Variants in SLC30A9 observed in about 807,000 individuals in gnomAD.
The protein encoded by SLC30A9 is proton-coupled zinc antiporter SLC30A9, mitochondrial.
A neutral mutation model predicts 87.5 loss-of-function variants in SLC30A9; 58 were observed. The ratio of observed to expected loss-of-function variants is 0.66; its 90% CI spans 0.54 to 0.82. SLC30A9 has a LOEUF of 0.82. Among genes scored for constraint, SLC30A9 ranks in the 40% least tolerant of loss-of-function variants. The probability of loss-of-function intolerance (pLI) is 0.00; values close to 1 mark genes in which losing one functional copy is unlikely to be tolerated. For missense variants in SLC30A9, 557 were observed against 679.1 expected (o/e 0.82, Z 2.00); for synonymous variants, 234 against 233.0 (o/e 1.00, Z -0.04).
At chr4:42,082,980 T>A (rs1308050056) in intron 17 of SLC30A9, among the ~76,000 whole-genome samples, 3 of 152,200 alleles carry the variant, frequency 2.0e-5, no homozygotes, top group African/African-American at 7.2e-5. Flanking sequence ...TATCTTGTTA[T>A]TATTTTGAAG....
At chr4:42,000,979 G>T (rs1438456468) in intron 1 of SLC30A9, among the ~76,000 whole-genome samples, 1 of 152,048 alleles carries the variant, frequency 6.6e-6, no homozygotes, top group Non-Finnish European at 1.5e-5. Flanking sequence ...TGGTTTTCTA[G>T]TACTTGGGTA....
At chr4:42,056,819 A>G (rs1717635522) in intron 9 of SLC30A9, among the ~76,000 whole-genome samples, 2 of 152,204 alleles carry the variant, frequency 1.3e-5, no homozygotes, top group Non-Finnish European at 2.9e-5. Context: ...ATGAGGGTAC[A>G]GGCATTGGGT....
chr4:42,063,092 C>T lies in SLC30A9; in HGVS notation c.1003C>T (p.His335Tyr). Residue 335 changes from histidine to tyrosine, a missense_variant, in exon 11 of 18, where the codon CAT (histidine) becomes TAT (tyrosine). By Grantham distance (83) the His-to-Tyr change is moderately conservative. Around this residue, in one of 2 missense-constraint regions of SLC30A9, gnomAD observed 467 missense variants for 529.8 expected, o/e 0.88. Coordinates refer to ENST00000264451, the MANE Select transcript of SLC30A9 (RefSeq NM_006345.4). ...GTACCATGGAGTCATGGGATTGCTT[C>T]ATCCTCAACCAATAGAATCCCTTCT... ...SWYHGVMGLLHPQPIESLLWA... is the reference protein window; with the variant it reads ...SWYHGVMGLLYPQPIESLLWA... The T allele has an allele frequency of 2.5e-6, 4 of 1,613,770 alleles. No homozygotes were observed. Among genetic ancestry groups the T allele is most frequent in the Non-Finnish European group, 3.4e-6 (4 of 1,179,764 alleles).
At chr4:42,059,720 T>C (rs1186185163) in intron 9 of SLC30A9, among the ~76,000 whole-genome samples, 1 of 151,220 alleles carries the variant, frequency 6.6e-6, no homozygotes, top group Non-Finnish European at 1.5e-5. Flanking sequence ...ACTTGCATGT[T>C]CTTTTAAACC....
chr4:42,065,682 G>A lies in SLC30A9; in HGVS notation c.1072+333G>A, dbSNP rs114431956. ...ACAGTAACTGATGTGGCATGAAAGC[G>A]CTTAGCAAGCCCACCATATTTGTGG... On this transcript the variant is annotated intron_variant, in intron 12 of 17. Transcript: ENST00000264451. Among the ~76,000 whole-genome samples, 549 of 152,310 alleles carry A rather than the reference G, an allele frequency of 3.6e-3. 4 individuals are homozygous for A. The highest frequency in any genetic ancestry group is 0.013 in the African/African-American group (523 of 41,570).
intron 2 of SLC30A9, among the ~76,000 whole-genome samples, chr4:42,004,432 C>T (rs562730187): frequency 6.6e-6 from 1 of 152,196 alleles, no homozygotes; most frequent in South Asian, 2.1e-4. Flanking sequence ...TCTGTATTAT[C>T]TCCTTCTGGA....
At chr4:41,998,462 C>CTTTTTT (rs34295020) in intron 1 of SLC30A9, among the ~76,000 whole-genome samples, 172 of 144,764 alleles carry the variant, frequency 1.2e-3, no homozygotes, top group Non-Finnish European at 1.7e-3. Flanking sequence ...TTCAGTAATT[C>CTTTTTT]TTTTTTTTTG....
chr4:42,023,615 A>G (rs1431760795), intron 6 of SLC30A9, among the ~76,000 whole-genome samples: 1 of 152,228 alleles, frequency 6.6e-6, no homozygotes, highest in Non-Finnish European at 1.5e-5. Flanking sequence ...GCTACAGTTT[A>G]TCATTTTTAT....
intron 8 of SLC30A9, among the ~76,000 whole-genome samples, chr4:42,041,991 T>C (rs1025385538): frequency 6.6e-6 from 1 of 152,148 alleles, no homozygotes; most frequent in African/African-American, 2.4e-5. Context: ...AGGGAAGCCA[T>C]GAGGGACTGT....
rs1206437859 is a variant in SLC30A9, at chr4:42,088,048, A to G, written c.*1922A>G. On this transcript the variant is annotated 3_prime_UTR_variant, in exon 18 of 18. Transcript: ENST00000264451. Reference sequence around the variant, plus strand: ...AAAAAAAATTCTGATATTTCTTTTTAAATCTGATTTTGGTTGAGGTCATAC... The same window carrying G: ...AAAAAAAATTCTGATATTTCTTTTTGAATCTGATTTTGGTTGAGGTCATAC... 6.6e-6 allele frequency: 1 copy of G among 151,608 alleles called. No homozygotes were observed. The highest frequency in any genetic ancestry group is 1.5e-5 in the Non-Finnish European group (1 of 67,932). The allele number at this position is 151,608 out of a possible 1,614,324, so 9.4% of individuals were successfully genotyped here. A position where few individuals can be genotyped will look rare whatever the true frequency, so the allele number is the denominator to read the frequency against.
intron 6 of SLC30A9, chr4:42,029,831 A>T (rs1716347628): frequency 5.5e-6 from 4 of 724,276 alleles, no homozygotes; most frequent in Non-Finnish European, 1.0e-5. Context: ...AGTATAACGC[A>T]TCTGTGTTTC....
At chr4:42,038,882 G>C in intron 7 of SLC30A9, 104 bp from the exon 8 acceptor site, 1 of 685,474 alleles carries the variant, frequency 1.5e-6, no homozygotes, top group Non-Finnish European at 2.6e-6. Flanking sequence ...ATCTAATTCA[G>C]AAGTTTTGAT....
intron 13 of SLC30A9, 138 bp downstream of exon 13, chr4:42,066,759 T>C (rs1476772134): frequency 3.5e-6 from 2 of 576,472 alleles, no homozygotes; most frequent in Non-Finnish European, 3.0e-6. Flanking sequence ...TTACATATCC[T>C]TCAGCCCTTA....
intron 2 of SLC30A9, among the ~76,000 whole-genome samples, chr4:42,014,059 T>C (rs897514067): frequency 6.6e-6 from 1 of 152,136 alleles, no homozygotes; most frequent in Non-Finnish European, 1.5e-5. Flanking sequence ...CTGATTAAAA[T>C]GTGGACAAAA....
intron 17 of SLC30A9, among the ~76,000 whole-genome samples, chr4:42,084,427 C>T (rs950134648): frequency 2.6e-5 from 4 of 151,832 alleles, no homozygotes; most frequent in Admixed American, 2.0e-4. Context: ...ATTTGTAATT[C>T]CCCTTAAGTT....
rs73154915 is a variant in SLC30A9, at chr4:42,032,145, G to A, written c.611-3130G>A. 5.1e-3 allele frequency among the ~76,000 whole-genome samples: 773 copies of A among 152,214 alleles called. 9 individuals are homozygous for A. Among genetic ancestry groups the A allele is most frequent in the African/African-American group, 0.017 (709 of 41,516 alleles). ...TCTCATGAGAACGAACTCACCAGTC[G>A]TGAGGACAGTACCAAGAGGGATATT... On this transcript the variant is annotated intron_variant, in intron 6 of 17. Transcript: ENST00000264451.
At chr4:42,049,189 C>T (rs927940445) in intron 8 of SLC30A9, among the ~76,000 whole-genome samples, 188 bp from the exon 9 acceptor site, 3 of 152,154 alleles carry the variant, frequency 2.0e-5, no homozygotes, top group African/African-American at 7.2e-5. Flanking sequence ...TGGTCTTGAA[C>T]TCCTGTCCTC....
intron 6 of SLC30A9, among the ~76,000 whole-genome samples, chr4:42,030,598 T>G (rs77315759): frequency 7.1e-5 from 2 of 28,030 alleles, no homozygotes; most frequent in Non-Finnish European, 2.8e-4. Flanking sequence ...TTTTTTTTTT[T>G]TGGGCTCTTT....
Position 42,067,157 on chromosome 4 carries a change from TAGC to T in SLC30A9, c.1221_1223del (p.Ala408del). The T allele has an allele frequency of 1.4e-5, 23 of 1,610,944 alleles. No individual in the cohort carries two copies. The highest frequency in any genetic ancestry group is 2.0e-5 in the Non-Finnish European group (23 of 1,177,328). On this transcript the variant is annotated inframe_deletion, in exon 14 of 18. Coordinates refer to ENST00000264451, the MANE Select transcript of SLC30A9 (RefSeq NM_006345.4). ...ACTGCTGCAGTCTTGGGAGTTATAA[TAGC>T]AGCCACTTGCATGGGCCTTACTTCT...
Sources: allele counts gnomAD v4.1 joint callset (sites outside exome capture counted in the v4.1 genomes callset), GRCh38; gene constraint gnomAD v4.1.1; regional missense constraint gnomAD v4.1.1; transcripts MANE v1.5; gene names NCBI Gene and HGNC (gene_info 2026-07-23, HGNC 2026-07-21).